The following TSPAN5 variants were observed in gnomAD, a reference collection of about 807,000 sequenced individuals.
TSPAN5 encodes tetraspanin 5, also known as tetraspanin-5.
In TSPAN5, 10 loss-of-function variants were observed where a neutral mutation model predicts 37.1. The ratio of observed to expected loss-of-function variants is 0.27; its 90% CI spans 0.17 to 0.46. The LOEUF (loss-of-function observed/expected upper bound fraction) is 0.46. Ranked by LOEUF, TSPAN5 falls within the 20% of genes least tolerant of loss-of-function variation. TSPAN5 has a pLI of 1.00. For missense variants in TSPAN5, 195 were observed against 326.6 expected (o/e 0.60, Z 3.11); for synonymous variants, 110 against 118.9 (o/e 0.93, Z 0.48).
intron 1 of TSPAN5, among the ~76,000 whole-genome samples, chr4:98,518,652 A>T (rs1189299098): frequency 6.6e-6 from 1 of 152,244 alleles, no homozygotes; most frequent in East Asian, 1.9e-4. Context: ...GGAACCTGCA[A>T]GTGGTTCCAG....
chr4:98,545,779 A>G (rs536773517), intron 1 of TSPAN5, among the ~76,000 whole-genome samples: 56 of 152,238 alleles, frequency 3.7e-4, no homozygotes, highest in African/African-American at 1.2e-3. Context: ...CGATATGCCC[A>G]CCTCAACCTC....
At chr4:98,556,008 T>C (rs7658853) in intron 1 of TSPAN5, among the ~76,000 whole-genome samples, 91,957 of 135,306 alleles carry the variant, frequency 0.68, 31,779 homozygotes, top group South Asian at 0.81. Flanking sequence ...CACACACACG[T>C]GCACAGCACA....
chr4:98,524,993 G>T (rs764099468), intron 1 of TSPAN5, among the ~76,000 whole-genome samples: 1 of 152,126 alleles, frequency 6.6e-6, no homozygotes, highest in Non-Finnish European at 1.5e-5. Flanking sequence ...CTATGGCCAG[G>T]TCTGTTAGTT....
intron 1 of TSPAN5, among the ~76,000 whole-genome samples, chr4:98,548,792 G>A (rs1754530436): frequency 6.6e-6 from 1 of 152,080 alleles, no homozygotes; most frequent in African/African-American, 2.4e-5. Context: ...TTCTGTTTCT[G>A]AGTTATTTTA....
intron 1 of TSPAN5, among the ~76,000 whole-genome samples, chr4:98,582,217 C>T (rs539893801): frequency 3.9e-5 from 6 of 152,350 alleles, no homozygotes; most frequent in African/African-American, 1.4e-4. Flanking sequence ...GCCCTCTCCC[C>T]TGTATGTAAG....
At chr4:98,591,806 A>G (rs986272951) in intron 1 of TSPAN5, among the ~76,000 whole-genome samples, 4 of 151,946 alleles carry the variant, frequency 2.6e-5, no homozygotes, top group Admixed American at 6.6e-5. Flanking sequence ...TCATTTATCT[A>G]TAAGTTTAAT....
At chr4:98,485,924 G>A (rs1454604062) in intron 3 of TSPAN5, among the ~76,000 whole-genome samples, 6 of 151,942 alleles carry the variant, frequency 3.9e-5, no homozygotes. Context: ...GGGTGCTTTG[G>A]ATCCTTTCTC....
At chr4:98,606,421 C>A (rs17027845) in intron 1 of TSPAN5, among the ~76,000 whole-genome samples, 10,130 of 152,242 alleles carry the variant, frequency 0.067, 515 homozygotes, top group African/African-American at 0.14. Context: ...AGGAAGGTTA[C>A]GGAAACATCT....
intron 1 of TSPAN5, among the ~76,000 whole-genome samples, chr4:98,626,055 A>G (rs1756592234): frequency 6.6e-6 from 1 of 152,206 alleles, no homozygotes; most frequent in Non-Finnish European, 1.5e-5. Context: ...CAACATCAAC[A>G]TGTTGTTCAA....
rs181596130 is a variant in TSPAN5, at chr4:98,628,711, T to C, written c.81+29435A>G. On this transcript the variant is annotated intron_variant, in intron 1 of 7. Transcript: ENST00000305798. ...CACCCTTAATGGCTTATTTTCTGCC[T>C]GGTCCTTCTAAGCATAGGAATCTGC... Among the ~76,000 whole-genome samples the C allele has an allele frequency of 1.7e-3, 253 of 152,256 alleles. 1 individual carries two copies. In the Middle Eastern group the frequency reaches 0.034, roughly 20 times the overall value.
chr4:98,643,978 G>T lies in TSPAN5; in HGVS notation c.81+14168C>A, dbSNP rs181553131. On this transcript the variant is annotated intron_variant, in intron 1 of 7. Coordinates refer to ENST00000305798, the MANE Select transcript of TSPAN5 (RefSeq NM_005723.4). The stretch of plus-strand genomic sequence containing the variant: ...TCAGGAAGTTCCCAGCCCGTCTTCT[G>T]CCTCCATAAGGTCATGCTGAAAAAC... 1.6e-3 allele frequency among the ~76,000 whole-genome samples: 245 copies of T among 152,276 alleles called. 1 individual carries two copies. Among genetic ancestry groups the T allele is most frequent in the African/African-American group, 5.5e-3 (228 of 41,544 alleles).
intron 1 of TSPAN5, among the ~76,000 whole-genome samples, chr4:98,613,445 T>C (rs961559854): frequency 6.6e-6 from 1 of 152,190 alleles, no homozygotes. Context: ...AGAAAAGGTA[T>C]TTTGCAAATG....
At chr4:98,484,193 G>A (rs1172604146) in intron 3 of TSPAN5, 1 of 311,368 alleles carries the variant, frequency 3.2e-6, no homozygotes, top group Non-Finnish European at 6.3e-6. Context: ...CATGCCCCAA[G>A]CCCTGTTGAG....
At chr4:98,586,840 TTAGAGTTCCCATTCTCATA>T (rs1755499696) in intron 1 of TSPAN5, among the ~76,000 whole-genome samples, 1 of 151,962 alleles carries the variant, frequency 6.6e-6, no homozygotes, top group Non-Finnish European at 1.5e-5. Context: ...ACAGTGAGAG[TTAGAGTTCCCATTCTCATA>T]TTCCCACCAA....
At chr4:98,584,886 C>T (rs1026207700) in intron 1 of TSPAN5, among the ~76,000 whole-genome samples, 5 of 152,162 alleles carry the variant, frequency 3.3e-5, no homozygotes, top group African/African-American at 9.7e-5. Context: ...AATCTAATTC[C>T]TTCTATCCAC....
intron 1 of TSPAN5, among the ~76,000 whole-genome samples, chr4:98,510,237 C>G (rs1753574563): frequency 6.6e-6 from 1 of 152,092 alleles, no homozygotes; most frequent in African/African-American, 2.4e-5. Context: ...AGCTTCTAAG[C>G]AGAGGAGCAG....
At chr4:98,657,180 CG>C (rs1381859590) in intron 1 of TSPAN5, among the ~76,000 whole-genome samples, 1 of 152,190 alleles carries the variant, frequency 6.6e-6, no homozygotes, top group African/African-American at 2.4e-5. Flanking sequence ...CTGCTGAACA[CG>C]TTTGCCAGAT....
intron 1 of TSPAN5, among the ~76,000 whole-genome samples, chr4:98,556,421 G>A (rs536142767): frequency 7.4e-4 from 112 of 152,256 alleles, no homozygotes; most frequent in Non-Finnish European, 1.3e-4. Context: ...TTTTATGAAC[G>A]AGGAATAATT....
chr4:98,563,084 G>A (rs141819108), intron 1 of TSPAN5, among the ~76,000 whole-genome samples: 61 of 152,276 alleles, frequency 4.0e-4, no homozygotes, highest in Non-Finnish European at 7.1e-4. Flanking sequence ...TCCAGTTACC[G>A]TGGGTCACTG....
Sources: gnomAD v4.1 joint callset for allele counts (sites outside exome capture counted in the v4.1 genomes callset) on GRCh38, gnomAD v4.1.1 for gene constraint, MANE v1.5 for transcripts, NCBI Gene and HGNC (gene_info 2026-07-23, HGNC 2026-07-21) for gene names.